Variants in MITF observed in about 807,000 individuals in gnomAD.
MITF encodes melanocyte inducing transcription factor, also known as microphthalmia-associated transcription factor.
Under a neutral mutation model 60.5 loss-of-function variants are expected in MITF, and 17 were observed. The observed-to-expected ratio is 0.28, with a 90% CI of 0.19 to 0.42. The LOEUF is 0.42. Among genes scored for constraint, MITF ranks in the 10% least tolerant of loss-of-function variants. MITF has a pLI of 1.00. For missense variants in MITF, 622 were observed against 683.5 expected, an observed-to-expected ratio of 0.91 and a Z score of 1.00; for synonymous variants, 260 against 248.5, an observed-to-expected ratio of 1.05 and a Z score of -0.43.
At chr3:69,828,960 G>A (rs972688557) in intron 1 of MITF, among the ~76,000 whole-genome samples, 57 of 152,016 alleles carry the variant, frequency 3.7e-4, no homozygotes, top group African/African-American at 1.2e-3. Flanking sequence ...GTGTGTGTGT[G>A]TGTGTGTGTT....
At chr3:69,782,422 C>T (rs1286702898) in intron 1 of MITF, among the ~76,000 whole-genome samples, 8 of 152,182 alleles carry the variant, frequency 5.3e-5, no homozygotes, top group Admixed American at 1.3e-4. Context: ...ACTCTGCATG[C>T]ATTATCTAAT....
intron 1 of MITF, among the ~76,000 whole-genome samples, chr3:69,804,958 G>A (rs1443882438): frequency 1.3e-5 from 2 of 152,208 alleles, no homozygotes; most frequent in East Asian, 3.9e-4. Context: ...TTTCACACAT[G>A]TGTATTGCTA....
intron 2 of MITF, among the ~76,000 whole-genome samples, chr3:69,917,630 T>A (rs2065365502): frequency 6.6e-6 from 1 of 152,170 alleles, no homozygotes; most frequent in South Asian, 2.1e-4. Context: ...TATTTGTAGC[T>A]GCAAGTATTC....
chr3:69,849,999 A>G (rs151084460), intron 1 of MITF, among the ~76,000 whole-genome samples: 64 of 152,330 alleles, frequency 4.2e-4, no homozygotes, highest in East Asian at 1.4e-3. Flanking sequence ...TGAGCAGTCA[A>G]TCGAGTTTTT....
At chr3:69,874,617 A>G (rs1220763013) in intron 1 of MITF, among the ~76,000 whole-genome samples, 1 of 152,222 alleles carries the variant, frequency 6.6e-6, no homozygotes, top group African/African-American at 2.4e-5. Flanking sequence ...TGAGGAGTGG[A>G]CTAAAGGAAA....
At chr3:69,865,532 T>C (rs1433837954) in intron 1 of MITF, among the ~76,000 whole-genome samples, 2 of 152,206 alleles carry the variant, frequency 1.3e-5, no homozygotes, top group African/African-American at 4.8e-5. Flanking sequence ...TGTATACCAA[T>C]GTGTTCAGAA....
chr3:69,900,874 A>G (rs1161728431), intron 2 of MITF, among the ~76,000 whole-genome samples: 1 of 152,198 alleles, frequency 6.6e-6, no homozygotes, highest in Non-Finnish European at 1.5e-5. Context: ...GCATTTGTTA[A>G]CTATTAAAAT....
At chr3:69,911,493 C>T (rs1264481934) in intron 2 of MITF, among the ~76,000 whole-genome samples, 1 of 152,086 alleles carries the variant, frequency 6.6e-6, no homozygotes, top group Non-Finnish European at 1.5e-5. Context: ...ACCACACTTC[C>T]AGGAGATGGT....
intron 1 of MITF, among the ~76,000 whole-genome samples, chr3:69,807,906 G>A (rs2063036204): frequency 6.6e-6 from 1 of 151,788 alleles, no homozygotes; most frequent in Admixed American, 6.6e-5. Flanking sequence ...TGTTTGTTTA[G>A]CAGTTTGTTA....
In MITF at chr3:69,965,268, A is replaced by G. The variant is rs2066663268; in HGVS notation, c.*20A>G. The G allele has an allele frequency of 4.4e-6, 7 of 1,608,724 alleles. No individual in the cohort carries two copies. Among genetic ancestry groups the G allele is most frequent in the African/African-American group, 4.0e-5 (3 of 74,988 alleles). Reference sequence around the variant, plus strand: ...TGTTAGCGAATCCTCCCTGCACTGCATTCGCACAAACTGCTTCCTTTCTTG... The same window carrying G: ...TGTTAGCGAATCCTCCCTGCACTGCGTTCGCACAAACTGCTTCCTTTCTTG... On this transcript the variant is annotated 3_prime_UTR_variant, in exon 10 of 10. Coordinates refer to ENST00000352241, the MANE Select transcript of MITF (RefSeq NM_001354604.2).
chr3:69,891,086 A>G lies in MITF; in HGVS notation c.354+11703A>G, dbSNP rs562712143. ...TATTTTCTTATTATCTTCCATTAACATAAGTTAATAAACTTTCAGGCCATT... is the reference window on the plus strand; with the variant it reads ...TATTTTCTTATTATCTTCCATTAACGTAAGTTAATAAACTTTCAGGCCATT... On this transcript the variant is annotated intron_variant, in intron 2 of 9. Coordinates refer to ENST00000352241, the MANE Select transcript of MITF (RefSeq NM_001354604.2). Among the ~76,000 whole-genome samples the G allele has an allele frequency of 2.0e-5, 3 of 152,326 alleles. No individual in the cohort carries two copies. The East Asian group carries it at 5.8e-4, about 29-fold the overall frequency.
rs982423337 is a variant in MITF at position 69,968,257 on chromosome 3, T to G, written c.*3009T>G. The G allele has an allele frequency of 4.3e-6, 1 of 231,888 alleles. No individual in the cohort carries two copies. The highest frequency in any genetic ancestry group is 2.2e-5 in the African/African-American group (1 of 45,268). 14.4% of individuals were successfully genotyped at this position (231,888 alleles called of 1,614,324 possible). ...CTGTATGGTCCATAGCACTGTATAT[T>G]ATGGATCGATATTAATGTATCCAAT... is the stretch of plus-strand genomic sequence containing the variant. On this transcript the variant is annotated 3_prime_UTR_variant, in exon 10 of 10. Transcript: ENST00000352241.
At chr3:69,923,834 A>G (rs2065523878) in intron 2 of MITF, among the ~76,000 whole-genome samples, 2 of 152,150 alleles carry the variant, frequency 1.3e-5, no homozygotes, top group Admixed American at 1.3e-4. Context: ...CTCCCTTTAC[A>G]GATTTTTATA....
intron 1 of MITF, among the ~76,000 whole-genome samples, chr3:69,834,926 G>A (rs2107115770): frequency 6.9e-6 from 1 of 144,336 alleles, no homozygotes; most frequent in East Asian, 2.0e-4. Context: ...GCATTTACCT[G>A]ATGATTAGTG....
chr3:69,833,431 G>A (rs1347278297), intron 1 of MITF, among the ~76,000 whole-genome samples: 2 of 152,078 alleles, frequency 1.3e-5, no homozygotes, highest in Non-Finnish European at 2.9e-5. Flanking sequence ...TACACTGTAT[G>A]TGGTTGTTTT....
At chr3:69,839,761 A>G (rs970967289) in intron 1 of MITF, among the ~76,000 whole-genome samples, 1 of 152,164 alleles carries the variant, frequency 6.6e-6, no homozygotes, top group East Asian at 1.9e-4. Context: ...TAAAAAAAAA[A>G]AAGTAAGGGA....
chr3:69,836,135 T>C (rs1347376765), intron 1 of MITF, among the ~76,000 whole-genome samples: 1 of 152,210 alleles, frequency 6.6e-6, no homozygotes, highest in African/African-American at 2.4e-5. Context: ...ATTTGTGTCT[T>C]CTTCAATTTC....
chr3:69,917,284 G>T (rs185714117), intron 2 of MITF, among the ~76,000 whole-genome samples: 43 of 151,986 alleles, frequency 2.8e-4, no homozygotes, highest in Non-Finnish European at 5.0e-4. Context: ...ATGGTTTGAG[G>T]ACTTGGGACT....
rs936501723 is a variant in MITF at position 69,809,894 on chromosome 3, G to A, written c.105-69240G>A. Among the ~76,000 whole-genome samples, 5 of 152,046 alleles carry A rather than the reference G, an allele frequency of 3.3e-5. 1 individual carries two copies. The highest frequency in any genetic ancestry group is 5.9e-5 in the Non-Finnish European group (4 of 68,006). On this transcript the variant is annotated intron_variant, in intron 1 of 9. Transcript: ENST00000352241. Reference sequence around the variant, plus strand: ...ACAAGAAGCGGAGACTCTCTTATGCGTCTCTCTTCTTTTGCTTCTCTCTTG... The same window carrying A: ...ACAAGAAGCGGAGACTCTCTTATGCATCTCTCTTCTTTTGCTTCTCTCTTG...
Sources: allele counts gnomAD v4.1 joint callset (sites outside exome capture counted in the v4.1 genomes callset), GRCh38; gene constraint gnomAD v4.1.1; transcripts MANE v1.5; gene names NCBI Gene and HGNC (gene_info 2026-07-23, HGNC 2026-07-21).